The following VPS13C variants were observed in gnomAD, a reference collection of about 807,000 sequenced individuals.
VPS13C encodes the protein vacuolar protein sorting 13 homolog C, also known as intermembrane lipid transfer protein VPS13C.
VPS13C carries 358 observed loss-of-function variants against 456.8 expected under a neutral mutation model. The observed-to-expected ratio is 0.78, with a 90% CI of 0.72 to 0.86. VPS13C has a LOEUF of 0.86. VPS13C is among the 40% of genes least tolerant of loss of function. The pLI, the probability that VPS13C is intolerant of heterozygous loss-of-function variation, is 0.00. For missense variants in VPS13C, 4,818 were observed against 4,385.4 expected, an observed-to-expected ratio of 1.10 and a Z score of -2.79; for synonymous variants, 1,578 against 1,486.7, an observed-to-expected ratio of 1.06 and a Z score of -1.41.
Position 61,945,894 on chromosome 15 carries a change from A to C in VPS13C, c.4981-12T>G, listed in dbSNP as rs900736095. On this transcript the variant is annotated splice_polypyrimidine_tract_variant and intron_variant, in intron 44 of 84. Coordinates refer to ENST00000644861, the MANE Select transcript of VPS13C (RefSeq NM_020821.3). ...AAAATAGAGACAGCCTAAAAGTATTAGATTAACTGGTTATTATATCAAAAG... is the reference window on the plus strand; with the variant it reads ...AAAATAGAGACAGCCTAAAAGTATTCGATTAACTGGTTATTATATCAAAAG... 1 of 1,588,908 alleles carries C rather than the reference A, an allele frequency of 6.3e-7. No homozygotes were observed. Among genetic ancestry groups the C allele is most frequent in the African/African-American group, 1.4e-5 (1 of 73,542 alleles).
At chr15:61,918,068 G>C in intron 59 of VPS13C, 68 bp downstream of exon 59, 1 of 1,464,964 alleles carries the variant, frequency 6.8e-7, no homozygotes, top group Non-Finnish European at 9.1e-7. Context: ...AAAATATGAA[G>C]TTATTTGCCA....
chr15:61,952,840 G>C (rs2044848204), intron 38 of VPS13C, among the ~76,000 whole-genome samples: 1 of 151,568 alleles, frequency 6.6e-6, no homozygotes, highest in Admixed American at 6.6e-5. Context: ...TGCTTCCCAA[G>C]TAGCCAGGAC....
In VPS13C at chr15:61,867,637, A is replaced by G; in HGVS notation, c.10863+1022T>C. On this transcript the variant is annotated intron_variant, in intron 81 of 84. Transcript: ENST00000644861. The surrounding 1 kb of genome is among the most constrained non-coding windows in gnomAD (Gnocchi z 5.0). ...AAATTTTCGAAATGATAGTAACAGT[A>G]TCTGCTTCTGAGCTCAATAAAGGCT... 8.6e-7 allele frequency: 1 copy of G among 1,164,586 alleles called. No individual in the cohort carries two copies. The highest frequency in any genetic ancestry group is 1.1e-6 in the Non-Finnish European group (1 of 944,256). The allele number at this position is 1,164,586 out of a possible 1,614,324, so 72.1% of individuals were successfully genotyped here. A position where few individuals can be genotyped will look rare whatever the true frequency, so the allele number is the denominator to read the frequency against.
intron 67 of VPS13C, among the ~76,000 whole-genome samples, chr15:61,885,749 A>AT (rs1896216587): frequency 6.6e-6 from 1 of 152,050 alleles, no homozygotes; most frequent in African/African-American, 2.4e-5. Context: ...TTCCACACAT[A>AT]TTTTTCCCAT....
chr15:62,044,070 C>T, intron 2 of VPS13C, 142 bp downstream of exon 2: 2 of 527,600 alleles, frequency 3.8e-6, no homozygotes, highest in Non-Finnish European at 3.3e-6. Context: ...TCAGATTTTC[C>T]AACAGCAAAT....
intron 68 of VPS13C, 123 bp downstream of exon 68, chr15:61,884,005 G>A (rs1896075327): frequency 1.2e-6 from 1 of 809,810 alleles, no homozygotes; most frequent in Non-Finnish European, 1.8e-6. Context: ...AGAAATAAAA[G>A]TTTATCTACC....
In VPS13C at chr15:61,858,615, T is replaced by C. The variant is rs1035454093; in HGVS notation, c.10953-2206A>G. ...GGATTTTACTTCCAAGATTAGGTTA[T>C]TATAAGGCACAGGTGACTCTGAGCA... On this transcript the variant is annotated intron_variant, in intron 82 of 84. Transcript: ENST00000644861. This position sits in a 1 kb window ranked among gnomAD's most constrained non-coding sequence, Gnocchi z 4.4. Among the ~76,000 whole-genome samples, 2 of 152,182 alleles carry C rather than the reference T, an allele frequency of 1.3e-5. No homozygotes were observed. Among genetic ancestry groups the C allele is most frequent in the African/African-American group, 2.4e-5 (1 of 41,440 alleles).
In VPS13C at chr15:61,922,754, G is replaced by T; in HGVS notation, c.6618C>A (p.Pro2206=). The change falls in exon 54 of 85, where the codon CCC becomes CCA. Residue 2206 remains proline, a synonymous_variant. Transcript: ENST00000644861. ...MVKEFIIKIS[P]IILNTVLTIM... ...TTGTCAACACAGTATTAAGAATTAT[G>T]GGTGAAATCTTTAAAAAAGAAAGCA... 6.4e-7 allele frequency: 1 copy of T among 1,564,814 alleles called. No homozygotes were observed. Among genetic ancestry groups the T allele is most frequent in the South Asian group, 1.2e-5 (1 of 82,304 alleles).
Position 61,934,303 on chromosome 15 carries a change from G to A in VPS13C, c.5784C>T (p.Leu1928=), listed in dbSNP as rs1451877240. 3.1e-6 allele frequency: 5 copies of A among 1,591,602 alleles called. No homozygotes were observed. In the Admixed American group the frequency reaches 8.6e-5, roughly 27 times the overall value. The stretch of plus-strand genomic sequence containing the variant: ...GGAGACTGACAATCTGGTTCATAGA[G>A]AGCTTTGAGTCTGTCCAATCTTCTT... ...KEQEDWTDSK[L]SMNQIVSLQF... Residue 1928 remains leucine, a synonymous_variant, in exon 49 of 85, where the codon CTC becomes CTT. Coordinates refer to ENST00000644861, the MANE Select transcript of VPS13C (RefSeq NM_020821.3).
intron 69 of VPS13C, 137 bp downstream of exon 69, chr15:61,882,459 G>A (rs1895929143): frequency 1.1e-6 from 1 of 884,778 alleles, no homozygotes; most frequent in Non-Finnish European, 1.5e-6. Context: ...AACAGGATAT[G>A]TGGAAAAAGG....
intron 66 of VPS13C, among the ~76,000 whole-genome samples, chr15:61,904,325 T>C (rs1351656325): frequency 6.6e-6 from 1 of 151,276 alleles, no homozygotes; most frequent in Non-Finnish European, 1.5e-5. Context: ...AAATGTGATT[T>C]AAAAACGGGC....
At chr15:62,013,358 T>G (rs1362662336) in intron 10 of VPS13C, among the ~76,000 whole-genome samples, 1 of 151,870 alleles carries the variant, frequency 6.6e-6, no homozygotes, top group Non-Finnish European at 1.5e-5. Context: ...ACTCATTCAT[T>G]CAATTATCAA....
intron 15 of VPS13C, among the ~76,000 whole-genome samples, chr15:62,001,649 C>A (rs2046621031): frequency 6.6e-6 from 1 of 152,156 alleles, no homozygotes. Flanking sequence ...AGGTATATCT[C>A]CCAATGCTAT....
At chr15:61,979,024 C>G (rs900709270) in intron 22 of VPS13C, among the ~76,000 whole-genome samples, 1 of 152,158 alleles carries the variant, frequency 6.6e-6, no homozygotes, top group African/African-American at 2.4e-5. Flanking sequence ...ATGTACAACT[C>G]CTCCTCTTCC....
intron 46 of VPS13C, among the ~76,000 whole-genome samples, chr15:61,941,034 C>T (rs189442553): frequency 3.3e-4 from 50 of 152,308 alleles, no homozygotes; most frequent in Non-Finnish European, 4.7e-4. Flanking sequence ...ACATAATTTT[C>T]ATACACTATG....
chr15:61,998,689 A>C lies in VPS13C; in HGVS notation c.1353+1875T>G, dbSNP rs535657609. Among the ~76,000 whole-genome samples, 3 of 152,310 alleles carry C rather than the reference A, an allele frequency of 2.0e-5. No homozygotes were observed. In the East Asian group the frequency reaches 5.8e-4, roughly 29 times the overall value. Reference sequence around the variant, plus strand: ...AAGTCTATACTTTTAGCCATAATGCAAGCATAACAGACACTCAGTGAGTAC... The same window carrying C: ...AAGTCTATACTTTTAGCCATAATGCCAGCATAACAGACACTCAGTGAGTAC... On this transcript the variant is annotated intron_variant, in intron 16 of 84. Coordinates refer to ENST00000644861, the MANE Select transcript of VPS13C (RefSeq NM_020821.3).
chr15:61,946,931 AT>A (rs771684773), intron 43 of VPS13C, among the ~76,000 whole-genome samples: 7 of 152,134 alleles, frequency 4.6e-5, no homozygotes, highest in Non-Finnish European at 1.0e-4. Flanking sequence ...AAAATTTGTC[AT>A]TCTCAGTTTC....
At chr15:62,044,685 G>A (rs1464074802) in intron 1 of VPS13C, among the ~76,000 whole-genome samples, 2 of 152,082 alleles carry the variant, frequency 1.3e-5, no homozygotes, top group Non-Finnish European at 2.9e-5. Context: ...GAAACATGGT[G>A]TTAGTCTTTC....
At chr15:62,035,675 G>T (rs189582225) in intron 3 of VPS13C, among the ~76,000 whole-genome samples, 1 of 151,918 alleles carries the variant, frequency 6.6e-6, no homozygotes. Context: ...CAAGGCATAC[G>T]GTATTATGAA....
Sources: allele counts gnomAD v4.1 joint callset (sites outside exome capture counted in the v4.1 genomes callset), GRCh38; gene constraint gnomAD v4.1.1; non-coding constraint Gnocchi (gnomAD v3.1); transcripts MANE v1.5; gene names NCBI Gene and HGNC (gene_info 2026-07-23, HGNC 2026-07-21).